Variants in NTNG1 observed in about 807,000 individuals in gnomAD.
The protein encoded by NTNG1 is netrin-G1.
NTNG1 carries 16 observed loss-of-function variants against 54.0 expected under a neutral mutation model. The ratio of observed to expected loss-of-function variants is 0.30; its 90% CI spans 0.20 to 0.45. The LOEUF is 0.45. Among genes scored for constraint, NTNG1 ranks in the 20% least tolerant of loss-of-function variants. NTNG1 has a pLI of 1.00. For missense variants in NTNG1, 530 were observed against 678.7 expected (o/e 0.78, Z 2.43); for synonymous variants, 255 against 263.1 (o/e 0.97, Z 0.30).
intron 7 of NTNG1, among the ~76,000 whole-genome samples, chr1:107,470,108 G>C (rs1571032587): frequency 1.3e-5 from 2 of 152,150 alleles, no homozygotes; most frequent in Admixed American, 6.5e-5. Flanking sequence ...GGCAAGCCAA[G>C]GAATCAAGTC....
At chr1:107,378,685 TC>T (rs1671454484) in intron 3 of NTNG1, among the ~76,000 whole-genome samples, 1 of 152,082 alleles carries the variant, frequency 6.6e-6, no homozygotes, top group African/African-American at 2.4e-5. Flanking sequence ...GGTTCACAGG[TC>T]AGGACAGACT....
chr1:107,283,616 G>T (rs796841950), intron 2 of NTNG1, among the ~76,000 whole-genome samples: 1 of 152,118 alleles, frequency 6.6e-6, no homozygotes, highest in Non-Finnish European at 1.5e-5. Flanking sequence ...TATGTTAGCC[G>T]TATTAGGCCT....
chr1:107,340,072 T>C (rs1668810104), intron 3 of NTNG1, among the ~76,000 whole-genome samples: 1 of 152,084 alleles, frequency 6.6e-6, no homozygotes, highest in South Asian at 2.1e-4. Flanking sequence ...TCTGATAGTC[T>C]CAATTTCGTC....
intron 4 of NTNG1, among the ~76,000 whole-genome samples, chr1:107,407,037 C>A (rs1360625549): frequency 6.6e-6 from 1 of 152,130 alleles, no homozygotes; most frequent in African/African-American, 2.4e-5. Flanking sequence ...AAAGTGAAAG[C>A]TGAAAAATCG....
chr1:107,185,461 GT>G (rs1657383209), intron 2 of NTNG1, among the ~76,000 whole-genome samples: 1 of 152,052 alleles, frequency 6.6e-6, no homozygotes, highest in Admixed American at 6.6e-5. Flanking sequence ...CTGTGTCTGT[GT>G]GCCCTTTCTT....
chr1:107,299,792 C>T (rs1041130490), intron 2 of NTNG1, among the ~76,000 whole-genome samples: 2 of 152,044 alleles, frequency 1.3e-5, no homozygotes, highest in Non-Finnish European at 2.9e-5. Context: ...AGTTAAGCAG[C>T]CTGACAAGAA....
chr1:107,244,527 A>C (rs924198144), intron 2 of NTNG1, among the ~76,000 whole-genome samples: 1 of 152,198 alleles, frequency 6.6e-6, no homozygotes, highest in Admixed American at 6.5e-5. Context: ...ATGTGAGATC[A>C]TGTTCAAGCT....
intron 3 of NTNG1, among the ~76,000 whole-genome samples, chr1:107,380,295 A>G (rs1304953938): frequency 2.0e-5 from 3 of 152,234 alleles, no homozygotes; most frequent in African/African-American, 7.2e-5. Context: ...AACACTTAAA[A>G]GATGAAAGTT....
At chr1:107,299,869 C>A (rs2101799328) in intron 2 of NTNG1, among the ~76,000 whole-genome samples, 1 of 152,280 alleles carries the variant, frequency 6.6e-6, no homozygotes, top group South Asian at 2.1e-4. Flanking sequence ...CACACACACA[C>A]ACAGACACAC....
chr1:107,385,485 C>T (rs891904740), intron 3 of NTNG1, among the ~76,000 whole-genome samples: 13 of 152,164 alleles, frequency 8.5e-5, no homozygotes, highest in African/African-American at 3.1e-4. Flanking sequence ...GCTAATACCC[C>T]ATCGGTCAGA....
chr1:107,467,587 A>G (rs1170292036), intron 7 of NTNG1, among the ~76,000 whole-genome samples: 2 of 152,230 alleles, frequency 1.3e-5, no homozygotes, highest in African/African-American at 4.8e-5. Context: ...TAATGTCAGT[A>G]TTGAAATCCA....
intron 3 of NTNG1, among the ~76,000 whole-genome samples, chr1:107,370,945 A>G (rs373095526): frequency 3.0e-4 from 45 of 152,242 alleles, no homozygotes; most frequent in African/African-American, 1.0e-3. Context: ...ATATACTGCA[A>G]CCTTGCTAAA....
At chr1:107,224,949 C>G (rs2101490499) in intron 2 of NTNG1, among the ~76,000 whole-genome samples, 1 of 152,144 alleles carries the variant, frequency 6.6e-6, no homozygotes, top group East Asian at 1.9e-4. Context: ...AAAGTCACTT[C>G]CTTTATAAGG....
chr1:107,443,939 T>G (rs1368918062), intron 7 of NTNG1, among the ~76,000 whole-genome samples: 1 of 151,654 alleles, frequency 6.6e-6, no homozygotes, highest in Non-Finnish European at 1.5e-5. Flanking sequence ...CTCCTAAGGG[T>G]GGGAAGGAAG....
At chr1:107,314,353 C>A (rs373220847) in intron 2 of NTNG1, among the ~76,000 whole-genome samples, 11 of 151,966 alleles carry the variant, frequency 7.2e-5, no homozygotes, top group Non-Finnish European at 1.3e-4. Context: ...GAGCCAAGAT[C>A]GCACCACTGC....
At chr1:107,296,804 T>A (rs937807005) in intron 2 of NTNG1, among the ~76,000 whole-genome samples, 1 of 148,466 alleles carries the variant, frequency 6.7e-6, no homozygotes, top group Non-Finnish European at 1.5e-5. Context: ...AGACATCTAT[T>A]ATATATACAT....
chr1:107,369,207 T>C lies in NTNG1; in HGVS notation c.888-25947T>C, dbSNP rs573692476. Among the ~76,000 whole-genome samples, 7 of 152,350 alleles carry C rather than the reference T, an allele frequency of 4.6e-5. No individual in the cohort carries two copies. The East Asian group carries it at 1.2e-3, about 25-fold the overall frequency. ...TTGGCTATTACAAGTAATGCTGTTA[T>C]GAACATTCATGTACAAATGTTTTAT... On this transcript the variant is annotated intron_variant, in intron 3 of 7. Transcript: ENST00000370068.
At chr1:107,432,261 G>A (rs1204570239) in intron 6 of NTNG1, among the ~76,000 whole-genome samples, 1 of 152,120 alleles carries the variant, frequency 6.6e-6, no homozygotes, top group Non-Finnish European at 1.5e-5. Flanking sequence ...CAGATGTCTT[G>A]TTTTGTTTTT....
chr1:107,290,829 A>C (rs1251552677), intron 2 of NTNG1, among the ~76,000 whole-genome samples: 1 of 151,636 alleles, frequency 6.6e-6, no homozygotes, highest in Non-Finnish European at 1.5e-5. Flanking sequence ...ATATAATTAC[A>C]TGCTTGCATG....
Sources: allele counts gnomAD v4.1 joint callset (sites outside exome capture counted in the v4.1 genomes callset), GRCh38; gene constraint gnomAD v4.1.1; transcripts MANE v1.5; gene names NCBI Gene and HGNC (gene_info 2026-07-23, HGNC 2026-07-21).